The following ESR1 variants were observed in gnomAD, a reference collection of about 807,000 sequenced individuals.
The protein encoded by ESR1 is estrogen receptor.
A neutral mutation model predicts 52.7 loss-of-function variants in ESR1; 12 were observed. That is an observed-to-expected ratio of 0.23 (90% confidence interval 0.15 to 0.37). The LOEUF is 0.37. Ranked by LOEUF, ESR1 falls within the 10% of genes least tolerant of loss-of-function variation. ESR1 has a pLI of 1.00. For synonymous variants in ESR1, 305 were observed against 316.8 expected (o/e 0.96, Z 0.39); for missense variants, 584 against 779.7 (o/e 0.75, Z 2.99).
intron 1 of ESR1, among the ~76,000 whole-genome samples, chr6:151,838,426 G>A (rs547225866): frequency 1.4e-4 from 22 of 152,250 alleles, no homozygotes; most frequent in African/African-American, 4.8e-4. Flanking sequence ...CCAGATTGGT[G>A]CCTGACCCAC....
intron 2 of ESR1, among the ~76,000 whole-genome samples, chr6:151,755,003 G>C (rs1427483522): frequency 1.3e-5 from 2 of 152,156 alleles, no homozygotes; most frequent in Admixed American, 6.5e-5. Context: ...CTTGAGCCCA[G>C]GAGTTCGAGA....
chr6:151,816,571 G>A (rs1475146674), intron 1 of ESR1, among the ~76,000 whole-genome samples: 1 of 152,110 alleles, frequency 6.6e-6, no homozygotes, highest in African/African-American at 2.4e-5. Context: ...AATTCTCTAC[G>A]GGTCTGGAAT....
intron 4 of ESR1, chr6:151,984,117 A>T (rs2040235539): frequency 6.6e-6 from 1 of 152,110 alleles, no homozygotes; most frequent in Admixed American, 6.5e-5. Flanking sequence ...TCTCCACAAG[A>T]TAATTGTCTA....
At chr6:151,679,428 C>T (rs757411878) in intron 1 of ESR1, among the ~76,000 whole-genome samples, 2 of 152,202 alleles carry the variant, frequency 1.3e-5, no homozygotes, top group Non-Finnish European at 2.9e-5. Context: ...CGGCTCACCG[C>T]AACCTCCGTC....
At chr6:151,851,465 G>A (rs754548279) in intron 2 of ESR1, among the ~76,000 whole-genome samples, 16 of 151,774 alleles carry the variant, frequency 1.1e-4, no homozygotes, top group Non-Finnish European at 1.8e-4. Context: ...ATTAGGATCA[G>A]TTTGTGGGCT....
At chr6:151,819,195 G>A (rs947944729) in intron 1 of ESR1, among the ~76,000 whole-genome samples, 1 of 152,130 alleles carries the variant, frequency 6.6e-6, no homozygotes, top group Non-Finnish European at 1.5e-5. Flanking sequence ...GCATTTGTTC[G>A]GTGTGCATTG....
chr6:152,031,201 T>G (rs1005023206), intron 5 of ESR1, among the ~76,000 whole-genome samples: 3 of 152,094 alleles, frequency 2.0e-5, no homozygotes, highest in African/African-American at 7.2e-5. Context: ...GATCTAAAAT[T>G]GACACCCTAA....
At chr6:151,934,197 C>A (rs1465622540) in intron 3 of ESR1, among the ~76,000 whole-genome samples, 1 of 152,110 alleles carries the variant, frequency 6.6e-6, no homozygotes, top group South Asian at 2.1e-4. Flanking sequence ...GTGTGTTGTT[C>A]GTTCACCCTT....
At chr6:151,777,037 C>A (rs907692833) in intron 2 of ESR1, among the ~76,000 whole-genome samples, 4 of 151,652 alleles carry the variant, frequency 2.6e-5, no homozygotes, top group African/African-American at 9.7e-5. Context: ...AAAGGTTGAT[C>A]CAGGCTTGTG....
At chr6:151,781,864 C>G (rs74324160) in intron 2 of ESR1, among the ~76,000 whole-genome samples, 13,213 of 151,506 alleles carry the variant, frequency 0.087, 697 homozygotes, top group African/African-American at 0.1. Context: ...ACAGTGGGAA[C>G]CACAGAGCTA....
chr6:151,990,711 G>C (rs2040927496), intron 4 of ESR1, among the ~76,000 whole-genome samples: 1 of 152,042 alleles, frequency 6.6e-6, no homozygotes, highest in African/African-American at 2.4e-5. Context: ...GAATTCTGAT[G>C]GACAGTGAGA....
At chr6:152,122,771 T>C in intron 6 of ESR1, 1 of 1,585,690 alleles carries the variant, frequency 6.3e-7, no homozygotes, top group Non-Finnish European at 8.6e-7. Flanking sequence ...TAAAGGGCCA[T>C]GCCAAGCACA....
At position 152,099,120 on chromosome 6, in the gene ESR1, G is replaced by C. The variant is rs892900525; in HGVS notation, c.*154G>C. On this transcript the variant is annotated 3_prime_UTR_variant, in exon 8 of 8. Transcript: ENST00000206249. ...GAGTGGCCATTCATTTGCTTGCTCA[G>C]TTCTTAGTGGCACATCTTCTGTCTT... 1.6e-5 allele frequency: 11 copies of C among 670,700 alleles called. No homozygotes were observed. In the African/African-American group the frequency reaches 1.9e-4, roughly 12 times the overall value. 41.5% of individuals were successfully genotyped at this position (670,700 alleles called of 1,614,324 possible). A position where few individuals can be genotyped will look rare whatever the true frequency, so the allele number is the denominator to read the frequency against.
chr6:151,838,885 A>G (rs1046062429), intron 1 of ESR1, among the ~76,000 whole-genome samples: 1 of 152,186 alleles, frequency 6.6e-6, no homozygotes, highest in African/African-American at 2.4e-5. Context: ...ATGTAGATGA[A>G]TGGCATTTTG....
intron 3 of ESR1, among the ~76,000 whole-genome samples, chr6:151,942,688 GA>G (rs1211613077): frequency 6.6e-6 from 1 of 151,004 alleles, no homozygotes; most frequent in Non-Finnish European, 1.5e-5. Context: ...CAAATACCTT[GA>G]CAAATTAAAA....
chr6:151,736,147 A>G (rs1782639114), intron 2 of ESR1, among the ~76,000 whole-genome samples: 1 of 152,164 alleles, frequency 6.6e-6, no homozygotes, highest in African/African-American at 2.4e-5. Context: ...TTACCTTTTT[A>G]AACTTGGAAG....
intron 2 of ESR1, among the ~76,000 whole-genome samples, chr6:151,729,922 T>C (rs1009456790): frequency 1.3e-5 from 2 of 151,996 alleles, no homozygotes; most frequent in African/African-American, 4.8e-5. Flanking sequence ...ACTTCGTCTG[T>C]ACAGAAAAAA....
intron 2 of ESR1, among the ~76,000 whole-genome samples, chr6:151,751,902 A>C (rs1455458500): frequency 6.6e-6 from 1 of 152,216 alleles, no homozygotes; most frequent in Non-Finnish European, 1.5e-5. Context: ...TTCTAACAGG[A>C]AGATACATTA....
chr6:151,827,413 G>C (rs1472921089), intron 1 of ESR1, among the ~76,000 whole-genome samples: 2 of 151,834 alleles, frequency 1.3e-5, no homozygotes, highest in Middle Eastern at 3.4e-3. Flanking sequence ...AGAGGAACGT[G>C]GGGGACAGAG....
Sources: gnomAD v4.1 joint callset for allele counts (sites outside exome capture counted in the v4.1 genomes callset) on GRCh38, gnomAD v4.1.1 for gene constraint, MANE v1.5 for transcripts, NCBI Gene and HGNC (gene_info 2026-07-23, HGNC 2026-07-21) for gene names.